Variants in HS3ST4 observed in about 807,000 individuals in gnomAD.
HS3ST4 encodes the protein heparan sulfate glucosamine 3-O-sulfotransferase 4.
In HS3ST4, 17 loss-of-function variants were observed where a neutral mutation model predicts 29.2. The observed-to-expected ratio is 0.58, with a 90% CI of 0.40 to 0.87. The LOEUF (loss-of-function observed/expected upper bound fraction) is 0.87. Among genes scored for constraint, HS3ST4 ranks in the 40% least tolerant of loss-of-function variants. The pLI is 0.00. For missense variants in HS3ST4, 627 were observed against 634.5 expected (o/e 0.99, Z 0.13); for synonymous variants, 314 against 285.7 (o/e 1.10, Z -1.00).
At chr16:25,801,900 C>A (rs568217881) in intron 1 of HS3ST4, among the ~76,000 whole-genome samples, 1 of 151,230 alleles carries the variant, frequency 6.6e-6, no homozygotes, top group East Asian at 1.9e-4. Flanking sequence ...TTTCTTCATA[C>A]TCTCCTCTTG....
chr16:26,132,910 A>G (rs1899438807), intron 1 of HS3ST4, among the ~76,000 whole-genome samples: 1 of 152,222 alleles, frequency 6.6e-6, no homozygotes, highest in African/African-American at 2.4e-5. Context: ...TATGAGTTGC[A>G]TAATGAAACA....
chr16:25,889,377 C>T (rs371693000), intron 1 of HS3ST4, among the ~76,000 whole-genome samples: 4 of 152,292 alleles, frequency 2.6e-5, no homozygotes, highest in South Asian at 2.1e-4. Flanking sequence ...GACTTCCCAT[C>T]GCCAGACTTG....
chr16:25,987,459 A>G (rs1375002008), intron 1 of HS3ST4, among the ~76,000 whole-genome samples: 1 of 152,230 alleles, frequency 6.6e-6, no homozygotes, highest in Admixed American at 6.5e-5. Context: ...GACTGTTCCC[A>G]TATTACAGAT....
intron 1 of HS3ST4, among the ~76,000 whole-genome samples, chr16:25,948,159 G>A (rs1968648568): frequency 6.6e-6 from 1 of 152,140 alleles, no homozygotes; most frequent in Non-Finnish European, 1.5e-5. Context: ...TCAGACCTAA[G>A]TATTTATCCT....
chr16:25,843,210 C>T (rs930610595), intron 1 of HS3ST4, among the ~76,000 whole-genome samples: 7 of 152,186 alleles, frequency 4.6e-5, no homozygotes, highest in African/African-American at 1.4e-4. Flanking sequence ...TTGGGTAGTT[C>T]TCATGTGTAG....
At chr16:26,042,921 A>G (rs4787805) in intron 1 of HS3ST4, among the ~76,000 whole-genome samples, 21,359 of 152,098 alleles carry the variant, frequency 0.14, 3,909 homozygotes, top group African/African-American at 0.42. Flanking sequence ...TTTACACTAT[A>G]AATCCCTTTT....
At chr16:26,091,437 T>C (rs1459292374) in intron 1 of HS3ST4, among the ~76,000 whole-genome samples, 1 of 152,188 alleles carries the variant, frequency 6.6e-6, no homozygotes, top group African/African-American at 2.4e-5. Context: ...TTTTTTAATG[T>C]AGCAGAGAAG....
chr16:25,829,857 T>C (rs1967275373), intron 1 of HS3ST4, among the ~76,000 whole-genome samples: 1 of 152,220 alleles, frequency 6.6e-6, no homozygotes, highest in Non-Finnish European at 1.5e-5. Context: ...GGAGTCTTGC[T>C]CTGTCGCCCA....
chr16:25,937,312 A>G (rs1303983717), intron 1 of HS3ST4, among the ~76,000 whole-genome samples: 2 of 152,224 alleles, frequency 1.3e-5, no homozygotes, highest in African/African-American at 2.4e-5. Context: ...TACTATTATC[A>G]GTTGAACCCT....
chr16:25,900,722 C>G (rs1458994336), intron 1 of HS3ST4, among the ~76,000 whole-genome samples: 2 of 152,104 alleles, frequency 1.3e-5, no homozygotes, highest in Non-Finnish European at 2.9e-5. Flanking sequence ...TACACACTGG[C>G]TGGATAGATT....
At chr16:26,063,112 T>C (rs1287212364) in intron 1 of HS3ST4, 1 of 158,350 alleles carries the variant, frequency 6.3e-6, no homozygotes. Context: ...CCATGATTCC[T>C]GCCATCAAGG....
chr16:26,059,185 C>T (rs1256711370), intron 1 of HS3ST4, among the ~76,000 whole-genome samples: 1 of 152,074 alleles, frequency 6.6e-6, no homozygotes, highest in Non-Finnish European at 1.5e-5. Flanking sequence ...AGGGAGAGGT[C>T]TTGTCAGAGT....
At chr16:25,748,028 G>C (rs1198394475) in intron 1 of HS3ST4, among the ~76,000 whole-genome samples, 1 of 152,168 alleles carries the variant, frequency 6.6e-6, no homozygotes, top group East Asian at 1.9e-4. Context: ...TGCAGTTGGT[G>C]GTGGTGGTTG....
chr16:25,948,433 T>C (rs1968650877), intron 1 of HS3ST4, among the ~76,000 whole-genome samples: 1 of 152,136 alleles, frequency 6.6e-6, no homozygotes, highest in Non-Finnish European at 1.5e-5. Flanking sequence ...GCCGTGCATC[T>C]TCCCCTGTGT....
intron 1 of HS3ST4, among the ~76,000 whole-genome samples, chr16:25,706,240 T>C (rs1966375179): frequency 6.6e-6 from 1 of 152,164 alleles, no homozygotes; most frequent in South Asian, 2.1e-4. Flanking sequence ...CCTGCAGTTG[T>C]TGAGCTTTGG....
At chr16:25,952,628 A>G (rs958903944) in intron 1 of HS3ST4, among the ~76,000 whole-genome samples, 1 of 152,152 alleles carries the variant, frequency 6.6e-6, no homozygotes, top group African/African-American at 2.4e-5. Flanking sequence ...CTGGCACATA[A>G]AAAGAATTTA....
At chr16:25,994,976 A>G (rs1184285842) in intron 1 of HS3ST4, among the ~76,000 whole-genome samples, 3 of 152,108 alleles carry the variant, frequency 2.0e-5, no homozygotes, top group Admixed American at 2.0e-4. Flanking sequence ...TGGGAACTGG[A>G]TTTCTTTTTT....
At chr16:25,953,063 A>G (rs1968696907) in intron 1 of HS3ST4, among the ~76,000 whole-genome samples, 1 of 152,170 alleles carries the variant, frequency 6.6e-6, no homozygotes, top group African/African-American at 2.4e-5. Context: ...ATCTAAAATT[A>G]AGGTGAAGTA....
At chr16:26,105,880 G>A (rs1899049280) in intron 1 of HS3ST4, among the ~76,000 whole-genome samples, 1 of 152,210 alleles carries the variant, frequency 6.6e-6, no homozygotes, top group South Asian at 2.1e-4. Flanking sequence ...TATATAGTCT[G>A]GGACTGTCAC....
Sources: allele counts gnomAD v4.1 joint callset (sites outside exome capture counted in the v4.1 genomes callset), GRCh38; gene constraint gnomAD v4.1.1; transcripts MANE v1.5; gene names NCBI Gene and HGNC (gene_info 2026-07-23, HGNC 2026-07-21).